The following SFXN3 variants were observed in gnomAD, a reference collection of about 807,000 sequenced individuals.
SFXN3 encodes the protein sideroflexin-3.
A neutral mutation model predicts 40.4 loss-of-function variants in SFXN3; 31 were observed. That is an observed-to-expected ratio of 0.77 (90% CI 0.58 to 1.04). The LOEUF (loss-of-function observed/expected upper bound fraction) is 1.04, where lower values mean the gene tolerates loss of function less well. Among genes scored for constraint, SFXN3 ranks in the 50% least tolerant of loss-of-function variants. The pLI is 0.00. For missense variants in SFXN3, 366 were observed against 408.2 expected, an observed-to-expected ratio of 0.90 and a Z score of 0.89; for synonymous variants, 157 against 160.0, an observed-to-expected ratio of 0.98 and a Z score of 0.14.
Position 101,036,638 on chromosome 10 carries a change from T to G in SFXN3, c.507+77T>G. On this transcript the variant is annotated intron_variant, in intron 6 of 11. Coordinates refer to ENST00000393459, the Ensembl canonical transcript of SFXN3. The surrounding 1 kb of genome is among the most constrained non-coding windows in gnomAD (Gnocchi z 4.2). ...TTCTTCCTCATCACACCTCCAGTTC[T>G]GACCTATATGCCCCCTATATCTCCC... The G allele has an allele frequency of 6.2e-7, 1 of 1,611,710 alleles. No homozygotes were observed. Among genetic ancestry groups the G allele is most frequent in the Non-Finnish European group, 8.5e-7 (1 of 1,178,462 alleles).
rs373302714 is a variant in SFXN3 at position 101,036,461 on chromosome 10, C to T, written c.432-25C>T. 7.1e-4 allele frequency: 1,146 copies of T among 1,612,944 alleles called. 12 individuals are homozygous for T. In the South Asian group the frequency reaches 8.9e-3, roughly 12 times the overall value. ...ACCTGCTGGACTTGTCACCTCTCCC[C>T]GTGACCTGGCTTTTCCACCCACAGG... On this transcript the variant is annotated intron_variant, in intron 5 of 11. Transcript: ENST00000393459. This position sits in a 1 kb window ranked among gnomAD's most constrained non-coding sequence, Gnocchi z 4.2.
chr10:101,036,918 G>A lies in SFXN3; in HGVS notation c.593+110G>A. ...CCCTCTCCCTCCCCAGACATGAGCT[G>A]CTGGGCCCTGGCTCAGTCTGACCCT... On this transcript the variant is annotated intron_variant, in intron 7 of 11. Transcript: ENST00000393459. The surrounding 1 kb of genome is among the most constrained non-coding windows in gnomAD (Gnocchi z 4.2). The A allele has an allele frequency of 2.0e-6, 3 of 1,519,110 alleles. No individual in the cohort carries two copies. The highest frequency in any genetic ancestry group is 1.8e-6 in the Non-Finnish European group (2 of 1,125,014). The allele number at this position is 1,519,110 out of a possible 1,614,324, so 94.1% of individuals were successfully genotyped here. A position where few individuals can be genotyped will look rare whatever the true frequency, so the allele number is the denominator to read the frequency against.
chr10:101,032,523 G>C, intron 2 of SFXN3, 41 bp downstream of exon 2: 7 of 1,520,924 alleles, frequency 4.6e-6, no homozygotes, highest in South Asian at 1.2e-5. Context: ...TTCTGGAATG[G>C]GGGTCAGAGA....
chr10:101,036,352 T>G lies in SFXN3; in HGVS notation c.432-134T>G. On this transcript the variant is annotated intron_variant, in intron 5 of 11. Transcript: ENST00000393459. The surrounding 1 kb of genome is among the most constrained non-coding windows in gnomAD (Gnocchi z 4.2). ...CTTCTAGACAAGTTTACGCCGGAGA[T>G]GGAGGGAAGGCTTCTTCTGCAAGGA... 1 of 888,722 alleles carries G rather than the reference T, an allele frequency of 1.1e-6. No homozygotes were observed. The highest frequency in any genetic ancestry group is 1.8e-6 in the Non-Finnish European group (1 of 566,578). 55.1% of individuals were successfully genotyped at this position (888,722 alleles called of 1,614,324 possible). A position where few individuals can be genotyped will look rare whatever the true frequency, so the allele number is the denominator to read the frequency against.
intron 1 of SFXN3, 169 bp from the exon 2 acceptor site, chr10:101,032,145 A>C: frequency 3.2e-6 from 1 of 314,312 alleles, no homozygotes; most frequent in Non-Finnish European, 5.8e-6. Context: ...CCGCCAGGGG[A>C]CTGTAAACCA....
chr10:101,035,487 A>G lies in SFXN3; in HGVS notation c.162-10A>G. 6.3e-7 allele frequency: 1 copy of G among 1,593,698 alleles called. No individual in the cohort carries two copies. Among genetic ancestry groups the G allele is most frequent in the Non-Finnish European group, 8.6e-7 (1 of 1,169,474 alleles). Reference sequence around the variant, plus strand: ...GGCATAGCCTGTCTGCTCCTTGCCAACTTCTGCAGGGCCGGCGTGGTGACC... The same window carrying G: ...GGCATAGCCTGTCTGCTCCTTGCCAGCTTCTGCAGGGCCGGCGTGGTGACC... On this transcript the variant is annotated splice_polypyrimidine_tract_variant and intron_variant, in intron 3 of 11. Coordinates refer to ENST00000393459, the Ensembl canonical transcript of SFXN3.
chr10:101,032,414 A>AG lies in SFXN3; in HGVS notation c.-69dup, dbSNP rs777026068. 431 of 1,293,696 alleles carry AG rather than the reference A, an allele frequency of 3.3e-4. No individual in the cohort carries two copies. Among genetic ancestry groups the AG allele is most frequent in the Non-Finnish European group, 4.3e-4 (415 of 958,392 alleles). The allele number at this position is 1,293,696 out of a possible 1,614,324, so 80.1% of individuals were successfully genotyped here. On this transcript the variant is annotated 5_prime_UTR_variant, in exon 2 of 12. It removes the in-frame stop codon of an upstream open reading frame in the 5' UTR. Transcript: ENST00000393459. ...CGTGACGTCCCGCGTGATGGCTGGG[A>AG]GGGCCCGGCGGCGACAGCGGAGGCA...
At chr10:101,032,759 G>T (rs190321815) in intron 2 of SFXN3, among the ~76,000 whole-genome samples, 1 of 152,212 alleles carries the variant, frequency 6.6e-6, no homozygotes, top group African/African-American at 2.4e-5. Flanking sequence ...GTCTGGGCAG[G>T]GTGTGCATGA....
At position 101,036,626 on chromosome 10, in the gene SFXN3, C is replaced by T; in HGVS notation, c.507+65C>T. The T allele has an allele frequency of 6.2e-7, 1 of 1,612,776 alleles. No individual in the cohort carries two copies. The highest frequency in any genetic ancestry group is 1.7e-4 in the Middle Eastern group (1 of 6,054). On this transcript the variant is annotated intron_variant, in intron 6 of 11. Coordinates refer to ENST00000393459, the Ensembl canonical transcript of SFXN3. The surrounding 1 kb of genome is among the most constrained non-coding windows in gnomAD (Gnocchi z 4.2). The stretch of plus-strand genomic sequence containing the variant: ...CTATCTGCCTCCTTCTTCCTCATCA[C>T]ACCTCCAGTTCTGACCTATATGCCC...
chr10:101,035,364 C>G, intron 3 of SFXN3, 133 bp from the exon 4 acceptor site: 4 of 1,028,832 alleles, frequency 3.9e-6, no homozygotes, highest in Admixed American at 6.8e-5. Context: ...AGATAAGGAG[C>G]TTCCTTATGC....
chr10:101,040,489 C>T (rs1230242252), exon 12 of SFXN3: 3 of 152,216 alleles, frequency 2.0e-5, no homozygotes, highest in East Asian at 1.9e-4. Flanking sequence ...GGTGCTTAAA[C>T]TCCACAGGTA....
At position 101,032,496 on chromosome 10, in the gene SFXN3, C is replaced by T; in HGVS notation, c.-4+14C>T. ...GCGATGGAAAGCGTAAGTGCTCGCTCTCCCCGGCGGGCGGGGTTCTGGAAT... is the reference window on the plus strand; with the variant it reads ...GCGATGGAAAGCGTAAGTGCTCGCTTTCCCCGGCGGGCGGGGTTCTGGAAT... On this transcript the variant is annotated intron_variant, in intron 2 of 11. Transcript: ENST00000393459. 1 of 1,539,104 alleles carries T rather than the reference C, an allele frequency of 6.5e-7. No individual in the cohort carries two copies. The highest frequency in any genetic ancestry group is 8.8e-7 in the Non-Finnish European group (1 of 1,142,566).
At chr10:101,035,367 CCTTATGCTG>C in intron 3 of SFXN3, 121 bp from the exon 4 acceptor site, 1 of 1,097,784 alleles carries the variant, frequency 9.1e-7, no homozygotes. Flanking sequence ...TAAGGAGCTT[CCTTATGCTG>C]AGACTGGGGG....
chr10:101,033,230 G>T (rs922982037), intron 2 of SFXN3, among the ~76,000 whole-genome samples: 2 of 152,136 alleles, frequency 1.3e-5, no homozygotes, highest in Admixed American at 6.5e-5. Flanking sequence ...AGCCTTGGGG[G>T]TTTGTATCCA....
Position 101,039,502 on chromosome 10 carries a change from A to G in SFXN3, c.883A>G (p.Ser295Gly). ...GTTCTATTGCAGCTCCATACACATA[A>G]GCAACCTGGAACCAGAGCTGAGAGC... is the stretch of plus-strand genomic sequence containing the variant. The change falls in exon 12 of 12, where the codon AGC becomes GGC. Residue 295 changes from serine to glycine, a missense_variant. By Grantham distance (56) the Ser-to-Gly change is moderately conservative. Coordinates refer to ENST00000393459, the Ensembl canonical transcript of SFXN3. The surrounding 1 kb of genome is among the most constrained non-coding windows in gnomAD (Gnocchi z 4.6). 7 of 1,614,090 alleles carry G rather than the reference A, an allele frequency of 4.3e-6. No homozygotes were observed. The highest frequency in any genetic ancestry group is 5.9e-6 in the Non-Finnish European group (7 of 1,179,956).
At chr10:101,037,032 G>C (rs767924576) in intron 7 of SFXN3, 44 bp from the exon 8 acceptor site, 4 of 1,608,610 alleles carry the variant, frequency 2.5e-6, no homozygotes, top group Non-Finnish European at 3.4e-6. Flanking sequence ...ATTGCAGGTG[G>C]GATCCGGGGC....
exon 2 of SFXN3, chr10:101,032,464 T>G (rs774212921): frequency 6.9e-5 from 107 of 1,548,266 alleles, no homozygotes; most frequent in Non-Finnish European, 9.1e-5. Flanking sequence ...TCTGAGAGCT[T>G]CAGAGAGCGA....
In SFXN3 at chr10:101,036,073, C is replaced by T. The variant is rs748675307; in HGVS notation, c.403C>T (p.Arg135Cys). The T allele has an allele frequency of 3.6e-5, 58 of 1,613,956 alleles. No individual in the cohort carries two copies. In the Admixed American group the frequency reaches 6.2e-4, roughly 17 times the overall value. The stretch of plus-strand genomic sequence containing the variant: ...CAATGCCATTGTTAACTACTCCAAC[C>T]GCAGTGGTGACACTCCCATCACTGT... The change falls in exon 5 of 12, where the codon CGC becomes TGC. Residue 135 changes from arginine (R) to cysteine (C), a missense_variant. Arg to Cys is a radical substitution (Grantham distance 180, BLOSUM62 -3). Transcript: ENST00000393459. This position sits in a 1 kb window ranked among gnomAD's most constrained non-coding sequence, Gnocchi z 4.2.
exon 12 of SFXN3, chr10:101,041,116 G>A (rs939891255): frequency 5.3e-5 from 8 of 152,272 alleles, no homozygotes; most frequent in African/African-American, 1.7e-4. Flanking sequence ...GTGGTGGGTG[G>A]GGCAGGGCAG....
Sources: allele counts gnomAD v4.1 joint callset (sites outside exome capture counted in the v4.1 genomes callset), GRCh38; gene constraint gnomAD v4.1.1; non-coding constraint Gnocchi (gnomAD v3.1); transcripts MANE v1.5; gene names NCBI Gene and HGNC (gene_info 2026-07-23, HGNC 2026-07-21).